Variants in C1orf167 observed in about 807,000 individuals in gnomAD.
C1orf167 encodes chromosome 1 open reading frame 167.
In C1orf167, 153 loss-of-function variants were observed where a neutral mutation model predicts 176.5. That is an observed-to-expected ratio of 0.87 (90% CI 0.76 to 0.99). The LOEUF (loss-of-function observed/expected upper bound fraction) is 0.99. C1orf167 is among the 50% of genes least tolerant of loss of function. C1orf167 has a pLI of 0.00. For missense variants in C1orf167, 1,490 were observed against 1,817.7 expected (o/e 0.82, Z 3.28); for synonymous variants, 594 against 752.7 (o/e 0.79, Z 3.45).
At position 11,775,577 on chromosome 1, in the gene C1orf167, G is replaced by C; in HGVS notation, c.2131G>C (p.Val711Leu). The C allele has an allele frequency of 7.7e-7, 1 of 1,303,970 alleles. No homozygotes were observed. Among genetic ancestry groups the C allele is most frequent in the Non-Finnish European group, 1.0e-6 (1 of 988,844 alleles). 80.8% of individuals were successfully genotyped at this position (1,303,970 alleles called of 1,614,324 possible). ...KQLRESDGAK[V>L]TQLSLCRQKA... ...GCTCCGGGAATCAGATGGGGCAAAG[G>C]TGACCCAGCTGTCCCTCTGCCGGCA... The change falls in exon 9 of 21, where the codon GTG (valine) becomes CTG (leucine). Residue 711 changes from valine to leucine, a missense_variant. Coordinates refer to ENST00000688073, the MANE Select transcript of C1orf167 (RefSeq NM_001010881.2).
intron 13 of C1orf167, among the ~76,000 whole-genome samples, chr1:11,781,287 C>T (rs975607986): frequency 2.0e-5 from 3 of 151,872 alleles, no homozygotes; most frequent in Admixed American, 1.3e-4. Flanking sequence ...CGTGAGCCAC[C>T]GCACCCGGCC....
chr1:11,781,295 G>A (rs957706183), intron 13 of C1orf167, among the ~76,000 whole-genome samples: 53 of 152,198 alleles, frequency 3.5e-4, no homozygotes, highest in African/African-American at 1.3e-3. Context: ...ACCGCACCCG[G>A]CCCCAACCAG....
Position 11,772,160 on chromosome 1 carries a change from A to G in C1orf167, c.1889A>G (p.Gln630Arg). The change falls in exon 8 of 21, where the codon CAG (glutamine) becomes CGG (arginine). Residue 630 changes from glutamine to arginine, a missense_variant. Transcript: ENST00000688073. ...ETLRKATRAT[Q>R]RTGSFPQAWH... Reference sequence around the variant, plus strand: ...CTGCGGAAGGCCACCAGGGCCACACAGAGGACAGGGAGCTTCCCCCAGGCC... The same window carrying G: ...CTGCGGAAGGCCACCAGGGCCACACGGAGGACAGGGAGCTTCCCCCAGGCC... The G allele has an allele frequency of 7.7e-7, 1 of 1,304,338 alleles. No individual in the cohort carries two copies. Among genetic ancestry groups the G allele is most frequent in the Non-Finnish European group, 1.0e-6 (1 of 988,956 alleles). The allele number at this position is 1,304,338 out of a possible 1,614,324, so 80.8% of individuals were successfully genotyped here.
In C1orf167 at chr1:11,766,737, C is replaced by T. The variant is rs1282300655; in HGVS notation, c.951C>T (p.Asp317=). The T allele has an allele frequency of 7.8e-7, 1 of 1,289,692 alleles. No individual in the cohort carries two copies. Among genetic ancestry groups the T allele is most frequent in the African/African-American group, 1.5e-5 (1 of 65,840 alleles). 79.9% of individuals were successfully genotyped at this position (1,289,692 alleles called of 1,614,324 possible). A position where few individuals can be genotyped will look rare whatever the true frequency, so the allele number is the denominator to read the frequency against. Reference sequence around the variant, plus strand: ...TGGAGACCCCGGCTAGTCTCTCAGACTCTTGGGCACAAAGCAAGCTAATGT... The same window carrying T: ...TGGAGACCCCGGCTAGTCTCTCAGATTCTTGGGCACAAAGCAAGCTAATGT... ...AFLETPASLS[D]SWAQSKLMSP... The change falls in exon 3 of 21, where the codon GAC becomes GAT. Residue 317 remains aspartate (D), a synonymous_variant. Coordinates refer to ENST00000688073, the MANE Select transcript of C1orf167 (RefSeq NM_001010881.2). This position sits in a 1 kb window ranked among gnomAD's most constrained non-coding sequence, Gnocchi z 4.5.
chr1:11,764,507 G>A, intron 2 of C1orf167, 37 bp downstream of exon 2: 1 of 1,283,818 alleles, frequency 7.8e-7, no homozygotes, highest in South Asian at 1.2e-5. Flanking sequence ...GCAGTTACAG[G>A]AGCAGGGCCC....
chr1:11,779,580 G>A (rs1643494488), intron 12 of C1orf167: 1 of 315,518 alleles, frequency 3.2e-6, no homozygotes, highest in South Asian at 2.7e-5. Flanking sequence ...CTTGGCAGTG[G>A]GGGTCTAGAA....
At chr1:11,765,607 A>C (rs1642753246) in intron 2 of C1orf167, among the ~76,000 whole-genome samples, 2 of 150,696 alleles carry the variant, frequency 1.3e-5, no homozygotes, top group African/African-American at 2.5e-5. Context: ...CTCTCCTGGG[A>C]CCCCCTCAAC....
chr1:11,787,906 A>T lies in C1orf167; in HGVS notation c.3707A>T (p.Gln1236Leu), dbSNP rs1408576089. Reference sequence around the variant, plus strand: ...GAACATTCCCTCTGCCCTGCCTTCCAGCTCTGGCCACAGTGGCCTGGACAG... The same window carrying T: ...GAACATTCCCTCTGCCCTGCCTTCCTGCTCTGGCCACAGTGGCCTGGACAG... ...CREHSLCPAFQLWPQWPGQSS... is the reference protein window; with the variant it reads ...CREHSLCPAFLLWPQWPGQSS... Residue 1236 changes from glutamine to leucine, a missense_variant, in exon 18 of 21, where the codon CAG becomes CTG. Transcript: ENST00000688073. The T allele has an allele frequency of 4.0e-6, 5 of 1,257,344 alleles. No homozygotes were observed. Among genetic ancestry groups the T allele is most frequent in the Non-Finnish European group, 5.2e-6 (5 of 967,894 alleles). The allele number at this position is 1,257,344 out of a possible 1,614,324, so 77.9% of individuals were successfully genotyped here. A position where few individuals can be genotyped will look rare whatever the true frequency, so the allele number is the denominator to read the frequency against.
In C1orf167 at chr1:11,762,207, C is replaced by CCCG. The variant is rs1323425273; in HGVS notation, c.-167_-165dup. ...CTCTGCTCTCCGACGTCCCCTCCCG[C>CCCG]CCGCGACCTGCCGACCTGCGGGGAT... On this transcript the variant is annotated 5_prime_UTR_variant, in exon 1 of 21. Transcript: ENST00000688073. 2 of 448,108 alleles carry CCCG rather than the reference C, an allele frequency of 4.5e-6. No individual in the cohort carries two copies. The highest frequency in any genetic ancestry group is 2.4e-5 in the Admixed American group (1 of 42,160). 27.8% of individuals were successfully genotyped at this position (448,108 alleles called of 1,614,324 possible).
chr1:11,765,283 G>A (rs373352443), intron 2 of C1orf167, among the ~76,000 whole-genome samples: 3 of 151,922 alleles, frequency 2.0e-5, no homozygotes, highest in African/African-American at 7.3e-5. Flanking sequence ...AGAGCCTCCC[G>A]GTACCTCATC....
chr1:11,765,232 G>A (rs143746111), intron 2 of C1orf167, among the ~76,000 whole-genome samples: 7 of 152,204 alleles, frequency 4.6e-5, no homozygotes, highest in African/African-American at 9.6e-5. Context: ...CACAAAGGCA[G>A]TAACTTTTAT....
Position 11,784,543 on chromosome 1 carries a change from C to G in C1orf167, c.3375C>G (p.Ser1125=). 7.8e-7 allele frequency: 1 copy of G among 1,289,236 alleles called. No homozygotes were observed. The highest frequency in any genetic ancestry group is 1.0e-6 in the Non-Finnish European group (1 of 981,522). 79.9% of individuals were successfully genotyped at this position (1,289,236 alleles called of 1,614,324 possible). Residue 1125 remains serine (S), a synonymous_variant, in exon 15 of 21, where the codon TCC becomes TCG. Coordinates refer to ENST00000688073, the MANE Select transcript of C1orf167 (RefSeq NM_001010881.2). ...TWCWALWVHE[S]CRGQVSRAHA... ...GCTGGGCTCTGTGGGTGCATGAGTC[C>G]TGTCGGGGCCAGGTCAGCCGAGCCC...
At chr1:11,771,711 G>GTCCCCCGCCCCTGCCCA in intron 7 of C1orf167, 75 bp downstream of exon 7, 1 of 974,070 alleles carries the variant, frequency 1.0e-6, no homozygotes, top group Non-Finnish European at 1.4e-6. Flanking sequence ...ACTGGGCAGG[G>GTCCCCCGCCCCTGCCCA]GCGGGGGACC....
chr1:11,763,308 G>T (rs1243244869), intron 1 of C1orf167, among the ~76,000 whole-genome samples: 1 of 152,166 alleles, frequency 6.6e-6, no homozygotes, highest in African/African-American at 2.4e-5. Flanking sequence ...TGGCGTGGTG[G>T]CATGTGCCTG....
intron 20 of C1orf167, 45 bp from the exon 21 acceptor site, chr1:11,789,225 G>A (rs1342121819): frequency 3.1e-5 from 40 of 1,297,274 alleles, no homozygotes; most frequent in Non-Finnish European, 3.8e-5. Context: ...ACAGACCCCG[G>A]AGAAAGCCCA....
rs1466702518 is a variant in C1orf167 at position 11,764,452 on chromosome 1, G to A, written c.52G>A (p.Ala18Thr). 7.8e-6 allele frequency: 10 copies of A among 1,289,308 alleles called. No individual in the cohort carries two copies. The African/African-American group carries it at 1.2e-4, about 16-fold the overall frequency. The allele number at this position is 1,289,308 out of a possible 1,614,324, so 79.9% of individuals were successfully genotyped here. A position where few individuals can be genotyped will look rare whatever the true frequency, so the allele number is the denominator to read the frequency against. The change falls in exon 2 of 21, where the codon GCA (alanine) becomes ACA (threonine). Residue 18 changes from alanine (A) to threonine (T), a missense_variant. Ala to Thr is a moderately conservative substitution (Grantham distance 58). Coordinates refer to ENST00000688073, the MANE Select transcript of C1orf167 (RefSeq NM_001010881.2). ...CAAGGAGAATGTGTCCCCAAAGCCT[G>A]CAGCGCTCCCGAAGCCAGGCAAGAG... ...SHKENVSPKP[A>T]ALPKPEQRRF...
At chr1:11,775,995 C>A (rs1426879740) in intron 9 of C1orf167, among the ~76,000 whole-genome samples, 1 of 152,172 alleles carries the variant, frequency 6.6e-6, no homozygotes, top group African/African-American at 2.4e-5. Context: ...TAGTGGCTCA[C>A]GCCTGTAATC....
In C1orf167 at chr1:11,789,559, G is replaced by C. The variant is rs1284256639; in HGVS notation, c.*113G>C. On this transcript the variant is annotated 3_prime_UTR_variant, in exon 21 of 21. Coordinates refer to ENST00000688073, the MANE Select transcript of C1orf167 (RefSeq NM_001010881.2). ...GGGGACAGCTTGAAGAGCTCTGAAG[G>C]ACAATAAAACCCACTCCTCAGTCCT... The C allele has an allele frequency of 9.7e-7, 1 of 1,034,744 alleles. No homozygotes were observed. Among genetic ancestry groups the C allele is most frequent in the African/African-American group, 1.7e-5 (1 of 59,610 alleles). 64.1% of individuals were successfully genotyped at this position (1,034,744 alleles called of 1,614,324 possible).
Position 11,768,923 on chromosome 1 carries a change from G to A in C1orf167, c.1543-50G>A, listed in dbSNP as rs1282297358. The A allele has an allele frequency of 1.0e-6, 1 of 985,134 alleles. No individual in the cohort carries two copies. The highest frequency in any genetic ancestry group is 1.1e-4 in the East Asian group (1 of 8,824). 61.0% of individuals were successfully genotyped at this position (985,134 alleles called of 1,614,324 possible). A position where few individuals can be genotyped will look rare whatever the true frequency, so the allele number is the denominator to read the frequency against. ...CCCGCCCCTGCCTGGTGTTCCCTTGGGAGGCAGATTCAAGGCCAACATCTC... is the reference window on the plus strand; with the variant it reads ...CCCGCCCCTGCCTGGTGTTCCCTTGAGAGGCAGATTCAAGGCCAACATCTC... On this transcript the variant is annotated intron_variant, in intron 5 of 20. Transcript: ENST00000688073. This position sits in a 1 kb window ranked among gnomAD's most constrained non-coding sequence, Gnocchi z 4.5.
Sources: allele counts gnomAD v4.1 joint callset (sites outside exome capture counted in the v4.1 genomes callset), GRCh38; gene constraint gnomAD v4.1.1; non-coding constraint Gnocchi (gnomAD v3.1); transcripts MANE v1.5; gene names NCBI Gene and HGNC (gene_info 2026-07-23, HGNC 2026-07-21).